The following MAP3K9 variants were observed in gnomAD, a reference collection of about 807,000 sequenced individuals.
MAP3K9 encodes mixed lineage kinase 1 (tyr and ser/thr specificity).
MAP3K9 carries 46 observed loss-of-function variants against 95.8 expected under a neutral mutation model. The ratio of observed to expected loss-of-function variants is 0.48; its 90% CI spans 0.38 to 0.61. MAP3K9 has a LOEUF of 0.61. MAP3K9 is among the 20% of genes least tolerant of loss of function. MAP3K9 has a pLI of 0.00. For missense variants in MAP3K9, 1,296 were observed against 1,474.3 expected (o/e 0.88, Z 1.98); for synonymous variants, 533 against 593.8 (o/e 0.90, Z 1.49).
chr14:70,756,290 G>A (rs1472942780), intron 3 of MAP3K9, among the ~76,000 whole-genome samples: 1 of 152,192 alleles, frequency 6.6e-6, no homozygotes, highest in Non-Finnish European at 1.5e-5. Flanking sequence ...AGAAACCTCT[G>A]GAGTGTGTGA....
intron 2 of MAP3K9, among the ~76,000 whole-genome samples, chr14:70,774,505 A>C (rs951224215): frequency 6.6e-6 from 1 of 151,724 alleles, no homozygotes; most frequent in African/African-American, 2.4e-5. Context: ...CCTACTAAAA[A>C]TACAAAAATT....
At chr14:70,777,967 C>A (rs1480717165) in intron 2 of MAP3K9, among the ~76,000 whole-genome samples, 1 of 151,990 alleles carries the variant, frequency 6.6e-6, no homozygotes, top group Admixed American at 6.6e-5. Context: ...ACTGTGGTTA[C>A]TAGAAAAGGT....
At chr14:70,764,882 T>C (rs80069353) in intron 2 of MAP3K9, among the ~76,000 whole-genome samples, 1,591 of 152,172 alleles carry the variant, frequency 0.01, 19 homozygotes, top group Non-Finnish European at 0.018. Flanking sequence ...AAAAAGCTCA[T>C]AGAATAAGGA....
rs960014464 is a variant in MAP3K9, at chr14:70,809,108, C to T, written c.64G>A (p.Glu22Lys). 2.9e-6 allele frequency: 4 copies of T among 1,383,452 alleles called. No individual in the cohort carries two copies. Among genetic ancestry groups the T allele is most frequent in the Non-Finnish European group, 3.7e-6 (4 of 1,077,792 alleles). The allele number at this position is 1,383,452 out of a possible 1,614,324, so 85.7% of individuals were successfully genotyped here. The change falls in exon 1 of 12, where the codon GAG becomes AAG. Residue 22 changes from glutamate to lysine, a missense_variant. Glu to Lys is a moderately conservative substitution (Grantham distance 56). This residue lies in a region of MAP3K9 where 338 missense variants were observed against 363.4 expected (regional missense o/e 0.93). Coordinates refer to ENST00000554752, the MANE Select transcript of MAP3K9 (RefSeq NM_001284230.2). ...TCGGCCCCGGCCCCTGCTCCATCCT[C>T]CCCCGGCGGGGCGGCAGCGGCGGCG... ...ASAAAAAPPGEDGAGAGAEEE... is the reference protein window; with the variant it reads ...ASAAAAAPPGKDGAGAGAEEE...
intron 2 of MAP3K9, among the ~76,000 whole-genome samples, chr14:70,779,640 C>T (rs542031516): frequency 6.6e-6 from 1 of 152,324 alleles, no homozygotes; most frequent in East Asian, 1.9e-4. Context: ...CCCACTCTTC[C>T]CTTCCAACAG....
intron 5 of MAP3K9, among the ~76,000 whole-genome samples, 182 bp downstream of exon 5, chr14:70,748,647 C>G (rs995310253): frequency 5.9e-5 from 9 of 152,198 alleles, no homozygotes; most frequent in Admixed American, 4.6e-4. Context: ...TGGGATTTTG[C>G]CCAACTGCAT....
intron 11 of MAP3K9, 61 bp from the exon 12 acceptor site, chr14:70,730,925 C>T (rs2053892926): frequency 6.7e-7 from 1 of 1,501,004 alleles, no homozygotes; most frequent in South Asian, 1.3e-5. Context: ...GGTTAGATAT[C>T]CGCTACTCCC....
chr14:70,800,560 G>T, intron 2 of MAP3K9, 107 bp downstream of exon 2: 1 of 1,118,314 alleles, frequency 8.9e-7, no homozygotes. Context: ...TTTAAGCAAG[G>T]AGTTTCACTG....
intron 2 of MAP3K9, among the ~76,000 whole-genome samples, chr14:70,784,042 G>C (rs11852001): frequency 0.41 from 62,484 of 152,010 alleles, 13,310 homozygotes; most frequent in South Asian, 0.58. Flanking sequence ...CCAGCACTTT[G>C]GGAGGCCGAG....
intron 3 of MAP3K9, among the ~76,000 whole-genome samples, chr14:70,760,141 G>A (rs1226771535): frequency 2.0e-5 from 3 of 147,698 alleles, no homozygotes; most frequent in Non-Finnish European, 4.5e-5. Context: ...AAATAAACGT[G>A]CACACACACA....
chr14:70,801,542 G>A (rs1378224313), intron 1 of MAP3K9, among the ~76,000 whole-genome samples: 2 of 152,224 alleles, frequency 1.3e-5, no homozygotes, highest in Non-Finnish European at 2.9e-5. Context: ...ATGAGCCACT[G>A]CACCTGGCCG....
In MAP3K9 at chr14:70,784,279, G is replaced by A. The variant is rs535244314; in HGVS notation, c.820+16388C>T. Among the ~76,000 whole-genome samples, 7 of 151,520 alleles carry A rather than the reference G, an allele frequency of 4.6e-5. No individual in the cohort carries two copies. The East Asian group carries it at 9.7e-4, about 21-fold the overall frequency. Reference sequence around the variant, plus strand: ...GCCTGGGAAACAAGAGCAAAACTCCGTCTCAAAACAAAAAAAAATACTAAA... The same window carrying A: ...GCCTGGGAAACAAGAGCAAAACTCCATCTCAAAACAAAAAAAAATACTAAA... On this transcript the variant is annotated intron_variant, in intron 2 of 11. Transcript: ENST00000554752.
At chr14:70,744,699 C>A (rs1875335997) in intron 5 of MAP3K9, among the ~76,000 whole-genome samples, 1 of 152,228 alleles carries the variant, frequency 6.6e-6, no homozygotes, top group Non-Finnish European at 1.5e-5. Flanking sequence ...CTCTATCACA[C>A]TCCCCTGAAA....
intron 3 of MAP3K9, among the ~76,000 whole-genome samples, chr14:70,760,580 G>A (rs2054359277): frequency 6.6e-6 from 1 of 152,166 alleles, no homozygotes; most frequent in African/African-American, 2.4e-5. Flanking sequence ...GAGCTTTAGA[G>A]TGAGGACATT....
intron 2 of MAP3K9, among the ~76,000 whole-genome samples, chr14:70,795,085 C>T (rs1397780093): frequency 6.8e-6 from 1 of 147,928 alleles, no homozygotes; most frequent in Non-Finnish European, 1.5e-5. Context: ...CCTCCGCCTC[C>T]CGGGTTCAAG....
chr14:70,733,018 T>C lies in MAP3K9; in HGVS notation c.2351A>G (p.Glu784Gly). 1 of 1,614,136 alleles carries C rather than the reference T, an allele frequency of 6.2e-7. No homozygotes were observed. Among genetic ancestry groups the C allele is most frequent in the African/African-American group, 1.3e-5 (1 of 75,020 alleles). The change falls in exon 11 of 12, where the codon GAG (glutamate) becomes GGG (glycine). Residue 784 changes from glutamate to glycine, a missense_variant. Transcript: ENST00000554752. ...KCQLLPLEEP[E>G]PPAREEKKRR... ...TTTCTTCTCCTCCCGGGCTGGTGGC[T>C]CAGGCTCCTCCAGGGGAAGCAGCTG...
rs111385383 is a variant in MAP3K9, at chr14:70,742,411, C to T, written c.1507G>A (p.Gly503Ser). The change falls in exon 6 of 12, where the codon GGC becomes AGC. Residue 503 changes from glycine (G) to serine (S), a missense_variant. By Grantham distance (56) the Gly-to-Ser change is moderately conservative. This residue lies in a region of MAP3K9 where 377 missense variants were observed against 417.1 expected (regional missense o/e 0.90). Transcript: ENST00000554752. The part of the protein sequence containing the change: ...QEKPRVKKRK[G>S]KFRKSRLKLK... ...TTCAGCCGGCTCTTCCTGAACTTGC[C>T]CTTGCGTTTCTTCACCCGGGGCTTC... 9.5e-4 allele frequency: 1,532 copies of T among 1,614,178 alleles called. No individual in the cohort carries two copies. The highest frequency in any genetic ancestry group is 1.2e-3 in the Non-Finnish European group (1,418 of 1,180,040).
At chr14:70,746,005 C>T (rs1471598143) in intron 5 of MAP3K9, among the ~76,000 whole-genome samples, 1 of 152,182 alleles carries the variant, frequency 6.6e-6, no homozygotes, top group East Asian at 1.9e-4. Context: ...TGTGCGCCCT[C>T]CAAATCCTTT....
intron 3 of MAP3K9, 61 bp downstream of exon 3, chr14:70,760,941 G>T: frequency 6.4e-7 from 1 of 1,565,260 alleles, no homozygotes; most frequent in Non-Finnish European, 8.7e-7. Flanking sequence ...TCCAAGTCTT[G>T]AAATGTGTGT....
Sources: allele counts gnomAD v4.1 joint callset (sites outside exome capture counted in the v4.1 genomes callset), GRCh38; gene constraint gnomAD v4.1.1; regional missense constraint gnomAD v4.1.1; transcripts MANE v1.5; gene names NCBI Gene and HGNC (gene_info 2026-07-23, HGNC 2026-07-21).